Variants in PPP2R5A observed in about 807,000 individuals in gnomAD.
The protein encoded by PPP2R5A is serine/threonine-protein phosphatase 2A 56 kDa regulatory subunit alpha isoform.
PPP2R5A carries 25 observed loss-of-function variants against 64.2 expected under a neutral mutation model. That is an observed-to-expected ratio of 0.39 (90% confidence interval 0.28 to 0.54). The LOEUF (loss-of-function observed/expected upper bound fraction) is 0.54, where lower values mean the gene tolerates loss of function less well. PPP2R5A is among the 20% of genes least tolerant of loss of function. PPP2R5A has a pLI of 0.67. For synonymous variants in PPP2R5A, 198 were observed against 201.2 expected (o/e 0.98, Z 0.13); for missense variants, 425 against 576.3 (o/e 0.74, Z 2.69).
chr1:212,318,370 G>T (rs1659199765), intron 1 of PPP2R5A, among the ~76,000 whole-genome samples: 1 of 151,774 alleles, frequency 6.6e-6, no homozygotes. Flanking sequence ...TTTATATTGT[G>T]GATTTAGTGA....
At chr1:212,342,697 G>A (rs539340755) in intron 4 of PPP2R5A, among the ~76,000 whole-genome samples, 1 of 152,230 alleles carries the variant, frequency 6.6e-6, no homozygotes, top group South Asian at 2.1e-4. Context: ...ATCATTGTGA[G>A]GAATTTGGGC....
At chr1:212,294,659 A>G (rs968212055) in intron 1 of PPP2R5A, among the ~76,000 whole-genome samples, 4 of 137,766 alleles carry the variant, frequency 2.9e-5, no homozygotes, top group Admixed American at 2.8e-4. Flanking sequence ...AGTGAAAACA[A>G]TGAATGCTTT....
intron 1 of PPP2R5A, among the ~76,000 whole-genome samples, chr1:212,322,915 A>T (rs2102428888): frequency 1.3e-5 from 2 of 152,172 alleles, no homozygotes; most frequent in East Asian, 3.9e-4. Context: ...CCTCCCGAGT[A>T]GCTGGGACTG....
At chr1:212,287,854 G>T (rs556241110) in intron 1 of PPP2R5A, among the ~76,000 whole-genome samples, 33 of 152,032 alleles carry the variant, frequency 2.2e-4, no homozygotes, top group Admixed American at 1.3e-3. Flanking sequence ...TAGTTTGAAG[G>T]TTTGGTGCTA....
At chr1:212,296,593 G>GGA (rs1232182324) in intron 1 of PPP2R5A, among the ~76,000 whole-genome samples, 1 of 152,180 alleles carries the variant, frequency 6.6e-6, no homozygotes, top group African/African-American at 2.4e-5. Flanking sequence ...TGTGCATGAA[G>GGA]GAGAGCACAA....
At chr1:212,305,020 C>G (rs1658869517) in intron 1 of PPP2R5A, among the ~76,000 whole-genome samples, 1 of 150,488 alleles carries the variant, frequency 6.6e-6, no homozygotes, top group Admixed American at 6.6e-5. Context: ...TGGGAGCTGC[C>G]ACACCCGGCC....
chr1:212,339,082 GA>G (rs1252847250), intron 3 of PPP2R5A, among the ~76,000 whole-genome samples: 3 of 152,212 alleles, frequency 2.0e-5, no homozygotes, highest in Non-Finnish European at 2.9e-5. Flanking sequence ...AAATTTTATA[GA>G]AGCATAATCT....
chr1:212,300,412 TG>T (rs1000793118), intron 1 of PPP2R5A, among the ~76,000 whole-genome samples: 8 of 151,266 alleles, frequency 5.3e-5, no homozygotes, highest in African/African-American at 2.0e-4. Flanking sequence ...GAATATGTAA[TG>T]GGAAGTGTCA....
At position 212,355,740 on chromosome 1, in the gene PPP2R5A, A is replaced by G. The variant is rs1659966778; in HGVS notation, c.928-886A>G. On this transcript the variant is annotated intron_variant, in intron 8 of 12. Transcript: ENST00000261461. ...CCTGGCATTTCTGGAATAAGTTACA[A>G]TTAGGCATATAGCATTCTTCTATTG... is the stretch of plus-strand genomic sequence containing the variant. Among the ~76,000 whole-genome samples the G allele has an allele frequency of 2.0e-5, 3 of 152,110 alleles. No homozygotes were observed. The South Asian group carries it at 6.2e-4, about 32-fold the overall frequency.
chr1:212,324,049 G>C (rs1369302742), intron 1 of PPP2R5A, among the ~76,000 whole-genome samples: 1 of 151,408 alleles, frequency 6.6e-6, no homozygotes, highest in Non-Finnish European at 1.5e-5. Flanking sequence ...TCCAGCCTGG[G>C]CGACAGAACA....
chr1:212,349,240 C>A lies in PPP2R5A; in HGVS notation c.925C>A (p.Pro309Thr). ...GGAGAAAGATACAACACTAACAGAG[C>A]CAGTAAGTGTTCTATTTATTTTCAT... The part of the protein sequence containing the change: ...FLEKDTTLTE[P>T]VIRGLLKFWP... Residue 309 changes from proline (P) to threonine (T), a missense_variant and splice_region_variant, in exon 8 of 13, where the codon CCA becomes ACA. Around this residue, in one of 4 missense-constraint regions of PPP2R5A, gnomAD observed 177 missense variants for 244.8 expected, o/e 0.72. Coordinates refer to ENST00000261461, the MANE Select transcript of PPP2R5A (RefSeq NM_006243.4). The A allele has an allele frequency of 6.4e-7, 1 of 1,564,082 alleles. No homozygotes were observed.
At chr1:212,332,948 C>T (rs1326859987) in intron 2 of PPP2R5A, among the ~76,000 whole-genome samples, 1 of 151,236 alleles carries the variant, frequency 6.6e-6, no homozygotes, top group Non-Finnish European at 1.5e-5. Context: ...GTCACCCAGG[C>T]TGGAATGCAG....
At chr1:212,311,839 AG>A (rs1271157014) in intron 1 of PPP2R5A, among the ~76,000 whole-genome samples, 1 of 152,246 alleles carries the variant, frequency 6.6e-6, no homozygotes, top group Non-Finnish European at 1.5e-5. Context: ...GTGTGTTTTA[AG>A]CTATGTTATT....
Position 212,330,353 on chromosome 1 carries a change from G to A in PPP2R5A, c.378+1022G>A, listed in dbSNP as rs140788138. 5.6e-4 allele frequency among the ~76,000 whole-genome samples: 85 copies of A among 151,588 alleles called. No individual in the cohort carries two copies. In the East Asian group the frequency reaches 7.4e-3, roughly 13 times the overall value. Reference sequence around the variant, plus strand: ...AGACCAGCCTGGCCAGCATAGCAAGGACCCATCTCTACAAAAAGTACTAAA... The same window carrying A: ...AGACCAGCCTGGCCAGCATAGCAAGAACCCATCTCTACAAAAAGTACTAAA... On this transcript the variant is annotated intron_variant, in intron 2 of 12. Transcript: ENST00000261461.
At chr1:212,302,730 C>CT (rs1658820608) in intron 1 of PPP2R5A, among the ~76,000 whole-genome samples, 1 of 152,168 alleles carries the variant, frequency 6.6e-6, no homozygotes, top group African/African-American at 2.4e-5. Flanking sequence ...ATCCCATGCC[C>CT]TTTAACTGTC....
At chr1:212,333,310 G>A (rs1163061459) in intron 2 of PPP2R5A, among the ~76,000 whole-genome samples, 187 bp from the exon 3 acceptor site, 2 of 152,214 alleles carry the variant, frequency 1.3e-5, no homozygotes, top group African/African-American at 2.4e-5. Context: ...GGAAGTCAGA[G>A]TTATTGGATA....
chr1:212,306,520 TC>T (rs1391491506), intron 1 of PPP2R5A, among the ~76,000 whole-genome samples: 3 of 152,200 alleles, frequency 2.0e-5, no homozygotes, highest in Non-Finnish European at 2.9e-5. Context: ...TCTGTATATG[TC>T]AAACATTTAC....
At chr1:212,316,902 C>A (rs529419778) in intron 1 of PPP2R5A, among the ~76,000 whole-genome samples, 17 of 152,074 alleles carry the variant, frequency 1.1e-4, no homozygotes, top group African/African-American at 3.1e-4. Flanking sequence ...AGGGAAGAAC[C>A]TTCTAATTTT....
At chr1:212,322,379 C>T (rs554690557) in intron 1 of PPP2R5A, among the ~76,000 whole-genome samples, 2 of 152,112 alleles carry the variant, frequency 1.3e-5, no homozygotes, top group Non-Finnish European at 2.9e-5. Flanking sequence ...ATTTTCTGCT[C>T]TTTTTTCTTA....
Sources: gnomAD v4.1 joint callset for allele counts (sites outside exome capture counted in the v4.1 genomes callset) on GRCh38, gnomAD v4.1.1 for gene constraint, gnomAD v4.1.1 regional missense constraint, MANE v1.5 for transcripts, NCBI Gene and HGNC (gene_info 2026-07-23, HGNC 2026-07-21) for gene names.